ATAD3B: variants seen among roughly 807,000 people sequenced by gnomAD.
ATAD3B encodes ATPase family AAA domain containing 3B.
In ATAD3B, 59 loss-of-function variants were observed where a neutral mutation model predicts 70.2. The ratio of observed to expected loss-of-function variants is 0.84; its 90% CI spans 0.68 to 1.04. ATAD3B has a LOEUF of 1.04. ATAD3B is among the 50% of genes least tolerant of loss of function. The pLI is 0.00. For missense variants in ATAD3B, 961 were observed against 913.4 expected (o/e 1.05, Z -0.67); for synonymous variants, 423 against 388.6 (o/e 1.09, Z -1.04).
At chr1:1,475,298 C>T (rs1399594271) in intron 1 of ATAD3B, among the ~76,000 whole-genome samples, 1 of 151,244 alleles carries the variant, frequency 6.6e-6, no homozygotes, top group Non-Finnish European at 1.5e-5. Context: ...TTCTCTCCTT[C>T]CTGGCCTCAC....
chr1:1,492,202 T>G (rs1387770869), intron 15 of ATAD3B, among the ~76,000 whole-genome samples: 2 of 151,324 alleles, frequency 1.3e-5, no homozygotes, highest in African/African-American at 2.4e-5. Flanking sequence ...TGAGAATAAT[T>G]TGGAACAAGC....
chr1:1,506,856 C>T, the ATAD3B span, among the ~76,000 whole-genome samples: 2 of 148,500 alleles, frequency 1.3e-5, no homozygotes, highest in African/African-American at 2.5e-5. Flanking sequence ...GGCACAATCT[C>T]GGCTCACTGC....
rs768695366 is a variant in ATAD3B, at chr1:1,485,111, G to A, written c.846G>A (p.Pro282=). 1.9e-5 allele frequency: 31 copies of A among 1,610,284 alleles called. No individual in the cohort carries two copies. The highest frequency in any genetic ancestry group is 1.3e-4 in the East Asian group (6 of 44,868). Residue 282 remains proline, a synonymous_variant, in exon 8 of 16, where the codon CCG becomes CCA. Coordinates refer to ENST00000673477, the MANE Select transcript of ATAD3B (RefSeq NM_031921.6). The stretch of plus-strand genomic sequence containing the variant: ...TCATCGAGGCTCGGCTGGGGAAGCC[G>A]TCCCTAGTGAGGGAGACGTCCCGCA... ...GRFIEARLGK[P]SLVRETSRIT...
chr1:1,486,086 C>G lies in ATAD3B; in HGVS notation c.964-24C>G, dbSNP rs369849333. 5 of 1,612,812 alleles carry G rather than the reference C, an allele frequency of 3.1e-6. No individual in the cohort carries two copies. In the South Asian group the frequency reaches 4.4e-5, roughly 14 times the overall value. ...CTTCCGTGGGTGCAGAGTGTCTCCC[C>G]CAAACCCCCGTCTTCCCCGGCAGCC... On this transcript the variant is annotated intron_variant, in intron 9 of 15. Transcript: ENST00000673477.
the ATAD3B span, chr1:1,509,394 C>T: frequency 1.2e-5 from 20 of 1,600,662 alleles, 1 homozygote; most frequent in African/African-American, 2.7e-5. Context: ...GCCGCGGACC[C>T]CTCCCACCCC....
chr1:1,505,676 G>A, the ATAD3B span, among the ~76,000 whole-genome samples: 3 of 152,234 alleles, frequency 2.0e-5, no homozygotes, highest in African/African-American at 4.8e-5. Flanking sequence ...CGGGCGTAAC[G>A]GAAGGCTCGC....
At chr1:1,480,464 G>A (rs948357310) in intron 4 of ATAD3B, among the ~76,000 whole-genome samples, 2 of 147,164 alleles carry the variant, frequency 1.4e-5, no homozygotes, top group African/African-American at 2.5e-5. Flanking sequence ...GGTCCTTAGG[G>A]ACCGTCACCT....
chr1:1,507,196 G>A, the ATAD3B span, among the ~76,000 whole-genome samples: 1 of 152,144 alleles, frequency 6.6e-6, no homozygotes, highest in Non-Finnish European at 1.5e-5. Flanking sequence ...AATGGCCCTG[G>A]CCACAACTTC....
intron 7 of ATAD3B, chr1:1,484,118 C>G (rs1161372312): frequency 6.6e-6 from 1 of 152,006 alleles, no homozygotes; most frequent in Non-Finnish European, 1.5e-5. Context: ...TTCAAACTCT[C>G]AGGGTTTTAT....
chr1:1,489,333 G>C (rs1640403974), intron 13 of ATAD3B, 59 bp downstream of exon 13: 1 of 1,609,966 alleles, frequency 6.2e-7, no homozygotes, highest in Non-Finnish European at 8.5e-7. Flanking sequence ...GTCGCCCTTG[G>C]TTCCCACTGA....
intron 8 of ATAD3B, 78 bp downstream of exon 8, chr1:1,485,249 C>A: frequency 6.4e-7 from 1 of 1,565,466 alleles, no homozygotes. Context: ...AGCCCACGCA[C>A]ACCCTCCCGT....
At chr1:1,476,788 G>A (rs1274372158) in intron 1 of ATAD3B, among the ~76,000 whole-genome samples, 3 of 151,960 alleles carry the variant, frequency 2.0e-5, no homozygotes, top group African/African-American at 7.2e-5. Flanking sequence ...GATTACAGGC[G>A]TGAGCCACCA....
rs545785154 is a variant in ATAD3B, at chr1:1,492,662, G to C, written c.1614+1991G>C. Among the ~76,000 whole-genome samples, 12 of 151,938 alleles carry C rather than the reference G, an allele frequency of 7.9e-5. No individual in the cohort carries two copies. The South Asian group carries it at 1.9e-3, about 24-fold the overall frequency. Reference sequence around the variant, plus strand: ...ATACAAAAATTAACTGGACGGGGCCGGGTGTGGTGACTTATGCCTCTAATC... The same window carrying C: ...ATACAAAAATTAACTGGACGGGGCCCGGTGTGGTGACTTATGCCTCTAATC... On this transcript the variant is annotated intron_variant, in intron 15 of 15. Coordinates refer to ENST00000673477, the MANE Select transcript of ATAD3B (RefSeq NM_031921.6).
chr1:1,506,465 T>G, the ATAD3B span, among the ~76,000 whole-genome samples: 1 of 150,186 alleles, frequency 6.7e-6, no homozygotes, highest in African/African-American at 2.5e-5. Context: ...AGTGCAGTCG[T>G]CGGCCAGGAT....
intron 13 of ATAD3B, 156 bp downstream of exon 13, chr1:1,489,430 A>G (rs1640409379): frequency 5.2e-6 from 7 of 1,342,260 alleles, no homozygotes; most frequent in Non-Finnish European, 7.1e-6. Flanking sequence ...AGCTCGGGAC[A>G]GCACGGGGTG....
At chr1:1,487,757 C>G (rs1175768315) in intron 11 of ATAD3B, 106 bp from the exon 12 acceptor site, 1 of 1,391,798 alleles carries the variant, frequency 7.2e-7, no homozygotes, top group Non-Finnish European at 1.0e-6. Context: ...CAGAGCCTGA[C>G]CCCGTGGGGA....
the ATAD3B span, chr1:1,503,674 G>C: frequency 4.2e-5 from 68 of 1,611,264 alleles, 1 homozygote; most frequent in South Asian, 7.3e-4. Flanking sequence ...GAGTGGGGCC[G>C]GTGTGGGTGG....
the ATAD3B span, among the ~76,000 whole-genome samples, chr1:1,508,711 C>T: frequency 6.6e-6 from 1 of 151,186 alleles, no homozygotes; most frequent in Non-Finnish European, 1.5e-5. Flanking sequence ...AGATGCCAAG[C>T]CCTGTGCCCA....
At position 1,497,672 on chromosome 1, in the gene ATAD3B, C is replaced by G. The variant is rs372102650; in HGVS notation, c.*1855C>G. On this transcript the variant is annotated 3_prime_UTR_variant, in exon 16 of 16. Transcript: ENST00000673477. The stretch of plus-strand genomic sequence containing the variant: ...ATGAGGTCAGGAGTTTGAGACCATC[C>G]TGGCTAACGTGGCAAAACCCCGTCT... 15 of 151,632 alleles carry G rather than the reference C, an allele frequency of 9.9e-5. No individual in the cohort carries two copies. Among genetic ancestry groups the G allele is most frequent in the African/African-American group, 3.6e-4 (15 of 41,158 alleles). The allele number at this position is 151,632 out of a possible 1,614,324, so 9.4% of individuals were successfully genotyped here. A position where few individuals can be genotyped will look rare whatever the true frequency, so the allele number is the denominator to read the frequency against.
Sources: gnomAD v4.1 joint callset for allele counts (sites outside exome capture counted in the v4.1 genomes callset) on GRCh38, gnomAD v4.1.1 for gene constraint, MANE v1.5 for transcripts, NCBI Gene and HGNC (gene_info 2026-07-23, HGNC 2026-07-21) for gene names.